GUCY1A2: variants seen among roughly 807,000 people sequenced by gnomAD.
The protein encoded by GUCY1A2 is guanylate cyclase 1 soluble subunit alpha 2.
GUCY1A2 carries 27 observed loss-of-function variants against 63.5 expected under a neutral mutation model. The observed-to-expected ratio is 0.43, with a 90% CI of 0.31 to 0.59. GUCY1A2 has a LOEUF of 0.59. Among genes scored for constraint, GUCY1A2 ranks in the 20% least tolerant of loss-of-function variants. The probability of loss-of-function intolerance (pLI) is 0.11; values close to 1 mark genes in which losing one functional copy is unlikely to be tolerated. For missense variants in GUCY1A2, 768 were observed against 913.3 expected (o/e 0.84, Z 2.05); for synonymous variants, 364 against 343.5 (o/e 1.06, Z -0.66).
At chr11:106,723,690 G>T (rs572658422) in intron 6 of GUCY1A2, among the ~76,000 whole-genome samples, 35 of 152,292 alleles carry the variant, frequency 2.3e-4, no homozygotes, top group African/African-American at 8.4e-4. Context: ...GGGCATGGTG[G>T]CGCATGCCTG....
At chr11:106,738,757 G>C (rs1159690328) in intron 6 of GUCY1A2, among the ~76,000 whole-genome samples, 2 of 152,272 alleles carry the variant, frequency 1.3e-5, no homozygotes, top group East Asian at 3.9e-4. Context: ...CTATACATCT[G>C]TTTTGGTACC....
chr11:106,864,067 G>A (rs1859553427), intron 4 of GUCY1A2, among the ~76,000 whole-genome samples: 1 of 151,956 alleles, frequency 6.6e-6, no homozygotes, highest in South Asian at 2.1e-4. Context: ...CCTGTCGGGG[G>A]TTGGGAGCGA....
At chr11:106,782,098 A>G (rs1864475374) in intron 5 of GUCY1A2, among the ~76,000 whole-genome samples, 1 of 152,192 alleles carries the variant, frequency 6.6e-6, no homozygotes, top group African/African-American at 2.4e-5. Flanking sequence ...CAATTAGGCA[A>G]TTAACCATCC....
chr11:106,755,256 C>A (rs965537708), intron 6 of GUCY1A2, among the ~76,000 whole-genome samples: 2 of 152,038 alleles, frequency 1.3e-5, no homozygotes. Flanking sequence ...ATTAGTCTTG[C>A]TAGCAGTCTG....
chr11:106,756,993 G>A (rs149457246), intron 6 of GUCY1A2, among the ~76,000 whole-genome samples: 3,608 of 152,252 alleles, frequency 0.024, 48 homozygotes, highest in Middle Eastern at 0.031. Context: ...CCGATCAAAC[G>A]TAGATTTGGT....
rs56999589 is a variant in GUCY1A2 at position 106,716,768 on chromosome 11, C to CAA, written c.1837-8104_1837-8103dup. Among the ~76,000 whole-genome samples, 424 of 55,294 alleles carry CAA rather than the reference C, an allele frequency of 7.7e-3. 16 individuals are homozygous for CAA. The highest frequency in any genetic ancestry group is 0.026 in the African/African-American group (386 of 14,642). 36.3% of individuals were successfully genotyped at this position (55,294 alleles called of 152,430 possible). A position where few individuals can be genotyped will look rare whatever the true frequency, so the allele number is the denominator to read the frequency against. ...TGGGCGACAGAGCCAGACTCCGTCT[C>CAA]AAAAAAAAAAAAAAAAAAAAAAAAA... is the stretch of plus-strand genomic sequence containing the variant. On this transcript the variant is annotated intron_variant, in intron 6 of 7. Transcript: ENST00000526355.
intron 7 of GUCY1A2, among the ~76,000 whole-genome samples, chr11:106,701,942 T>A (rs911515366): frequency 6.1e-5 from 9 of 148,520 alleles, no homozygotes; most frequent in African/African-American, 2.4e-4. Flanking sequence ...GTAATTATTG[T>A]TTTTTTCCAT....
At chr11:106,931,845 T>C (rs1860606816) in intron 4 of GUCY1A2, among the ~76,000 whole-genome samples, 1 of 152,200 alleles carries the variant, frequency 6.6e-6, no homozygotes, top group South Asian at 2.1e-4. Flanking sequence ...AGGAATTAAC[T>C]GCAAATGGGT....
At chr11:106,998,011 C>G (rs2465780) in intron 1 of GUCY1A2, among the ~76,000 whole-genome samples, 2 of 151,850 alleles carry the variant, frequency 1.3e-5, no homozygotes, top group African/African-American at 4.8e-5. Flanking sequence ...TGCCTTGTAT[C>G]TTTAGGTGTT....
At chr11:107,002,615 A>G (rs141107737) in intron 1 of GUCY1A2, among the ~76,000 whole-genome samples, 1 of 152,308 alleles carries the variant, frequency 6.6e-6, no homozygotes, top group East Asian at 1.9e-4. Flanking sequence ...ACAATCCAAA[A>G]GTTATGTAAG....
chr11:106,847,294 ATATATATACTCACATATATATT>A (rs908742350), intron 4 of GUCY1A2, among the ~76,000 whole-genome samples: 8 of 88,958 alleles, frequency 9.0e-5, no homozygotes, highest in Non-Finnish European at 2.2e-4. Flanking sequence ...GTTTCTGCTT[ATATATATACTCACATATATATT>A]TATGATTCTA....
chr11:106,962,122 G>A (rs1288482758), intron 3 of GUCY1A2, among the ~76,000 whole-genome samples: 1 of 152,216 alleles, frequency 6.6e-6, no homozygotes, highest in Non-Finnish European at 1.5e-5. Flanking sequence ...TAAGGTGAGA[G>A]CAGGAACAAT....
chr11:106,949,720 A>T (rs1241181160), intron 3 of GUCY1A2, among the ~76,000 whole-genome samples: 2 of 151,928 alleles, frequency 1.3e-5, no homozygotes, highest in African/African-American at 4.8e-5. Context: ...CTAGGCCACC[A>T]AAAAAGAGTA....
At chr11:106,802,465 G>T (rs979231433) in intron 5 of GUCY1A2, among the ~76,000 whole-genome samples, 2 of 152,222 alleles carry the variant, frequency 1.3e-5, no homozygotes, top group South Asian at 2.1e-4. Flanking sequence ...GGAAATCCTA[G>T]CAATATGGAC....
intron 6 of GUCY1A2, among the ~76,000 whole-genome samples, chr11:106,771,757 G>GAA (rs5794496): frequency 2.0e-4 from 29 of 148,112 alleles, no homozygotes; most frequent in Middle Eastern, 3.4e-3. Flanking sequence ...GTGTCTTGAG[G>GAA]AAAAAAAACA....
intron 2 of GUCY1A2, among the ~76,000 whole-genome samples, chr11:106,982,788 A>G (rs758631341): frequency 7.2e-5 from 11 of 152,206 alleles, no homozygotes; most frequent in Non-Finnish European, 1.3e-4. Context: ...GTTGAAATGG[A>G]GTGAAAAAAA....
At chr11:106,736,627 C>T (rs1863594736) in intron 6 of GUCY1A2, among the ~76,000 whole-genome samples, 1 of 151,834 alleles carries the variant, frequency 6.6e-6, no homozygotes, top group Admixed American at 6.6e-5. Flanking sequence ...TTTTATGGTT[C>T]CATATATATT....
At chr11:106,996,460 A>G (rs1195556294) in intron 1 of GUCY1A2, among the ~76,000 whole-genome samples, 7 of 152,240 alleles carry the variant, frequency 4.6e-5, no homozygotes, top group Non-Finnish European at 8.8e-5. Context: ...ACTGGATTAA[A>G]GAACTTAGCA....
At chr11:106,937,207 C>T (rs1479277660) in intron 4 of GUCY1A2, among the ~76,000 whole-genome samples, 1 of 152,044 alleles carries the variant, frequency 6.6e-6, no homozygotes, top group African/African-American at 2.4e-5. Context: ...ACTAAAAATC[C>T]TGCCTATTAC....
Sources: allele counts gnomAD v4.1 joint callset (sites outside exome capture counted in the v4.1 genomes callset), GRCh38; gene constraint gnomAD v4.1.1; transcripts MANE v1.5; gene names NCBI Gene and HGNC (gene_info 2026-07-23, HGNC 2026-07-21).